Variants in NRG1 observed in about 807,000 individuals in gnomAD.
The protein encoded by NRG1 is neuregulin 1.
Under a neutral mutation model 63.8 loss-of-function variants are expected in NRG1, and 18 were observed. The ratio of observed to expected loss-of-function variants is 0.28; its 90% CI spans 0.19 to 0.42. The LOEUF (loss-of-function observed/expected upper bound fraction) is 0.42. Ranked by LOEUF, NRG1 falls within the 10% of genes least tolerant of loss-of-function variation. NRG1 has a pLI of 1.00. For synonymous variants in NRG1, 302 were observed against 301.3 expected, an observed-to-expected ratio of 1.00 and a Z score of -0.02; for missense variants, 762 against 814.7, an observed-to-expected ratio of 0.94 and a Z score of 0.79.
At chr8:32,488,916 T>C (rs10087952) in intron 1 of NRG1, among the ~76,000 whole-genome samples, 117,556 of 152,130 alleles carry the variant, frequency 0.77, 45,635 homozygotes, top group East Asian at 0.89. Flanking sequence ...TTCTTCCCTC[T>C]TTAGGATAAA....
intron 1 of NRG1, among the ~76,000 whole-genome samples, chr8:31,977,851 C>T (rs1459321631): frequency 6.6e-6 from 1 of 151,888 alleles, no homozygotes; most frequent in African/African-American, 2.4e-5. Context: ...CCTACTAAAT[C>T]AGAAATACCA....
At chr8:31,755,149 G>A (rs1287522112) in intron 1 of NRG1, among the ~76,000 whole-genome samples, 4 of 150,870 alleles carry the variant, frequency 2.7e-5, no homozygotes, top group African/African-American at 9.7e-5. Flanking sequence ...CTAATGACTA[G>A]TTTTTGGCTC....
In NRG1 at chr8:31,795,796, C is replaced by T. The variant is rs117634072; in HGVS notation, c.37+156365C>T. Among the ~76,000 whole-genome samples, 582 of 152,194 alleles carry T rather than the reference C, an allele frequency of 3.8e-3. 1 individual carries two copies. The highest frequency in any genetic ancestry group is 0.02 in the Middle Eastern group (6 of 294). ...TGCTTAGGTTTCTTATTATGTAATG[C>T]TAATTATTATTACTTTTGATTTTTC... On this transcript the variant is annotated intron_variant, in intron 1 of 10. Coordinates refer to the NRG1 transcript ENST00000519301.
chr8:32,362,331 A>G (rs567043548), intron 1 of NRG1, among the ~76,000 whole-genome samples: 68 of 152,312 alleles, frequency 4.5e-4, no homozygotes, highest in African/African-American at 1.6e-3. Flanking sequence ...ATATTTGTTT[A>G]ATGTTACTTA....
intron 1 of NRG1, among the ~76,000 whole-genome samples, chr8:32,322,464 G>A (rs1055129608): frequency 6.6e-6 from 1 of 151,726 alleles, no homozygotes; most frequent in Non-Finnish European, 1.5e-5. Flanking sequence ...TAGAATAATT[G>A]CAGAATAGAA....
intron 1 of NRG1, among the ~76,000 whole-genome samples, chr8:32,282,512 A>C (rs546608564): frequency 6.6e-6 from 1 of 152,262 alleles, no homozygotes; most frequent in Non-Finnish European, 1.5e-5. Context: ...TGGTTCAGAG[A>C]GAGCTAATTT....
chr8:32,090,233 A>G (rs1828906048), intron 1 of NRG1, among the ~76,000 whole-genome samples: 3 of 152,344 alleles, frequency 2.0e-5, no homozygotes, highest in African/African-American at 7.2e-5. Flanking sequence ...AGCGCTCAGG[A>G]AATTACAGTA....
intron 1 of NRG1, among the ~76,000 whole-genome samples, chr8:32,090,386 C>T (rs4733110): frequency 0.92 from 140,290 of 152,246 alleles, 65,758 homozygotes; most frequent in East Asian, 1. Flanking sequence ...AGTGGTGCGA[C>T]GTTGGCCCCC....
intron 1 of NRG1, among the ~76,000 whole-genome samples, chr8:31,736,067 C>T (rs1429087148): frequency 2.6e-5 from 4 of 152,098 alleles, no homozygotes; most frequent in African/African-American, 4.8e-5. Context: ...GAACTTCTGA[C>T]CTCATTCAGT....
rs944355526 is a variant in NRG1, at chr8:32,101,665, T to C, written c.37+462234T>C. Among the ~76,000 whole-genome samples, 2 of 152,144 alleles carry C rather than the reference T, an allele frequency of 1.3e-5. 1 individual carries two copies. The highest frequency in any genetic ancestry group is 6.3e-3 in the Middle Eastern group (2 of 316). On this transcript the variant is annotated intron_variant, in intron 1 of 10. Coordinates refer to the NRG1 transcript ENST00000519301. ...CAACAAATGTGATGTTTGGGGCAGATGCAAAGTTGAAGTATGTCTAAAGAA... is the reference window on the plus strand; with the variant it reads ...CAACAAATGTGATGTTTGGGGCAGACGCAAAGTTGAAGTATGTCTAAAGAA...
At chr8:32,267,654 TC>T (rs1272328092) in intron 1 of NRG1, among the ~76,000 whole-genome samples, 1 of 152,198 alleles carries the variant, frequency 6.6e-6, no homozygotes, top group Non-Finnish European at 1.5e-5. Flanking sequence ...CAGAATTACA[TC>T]AGGTACATGT....
intron 1 of NRG1, among the ~76,000 whole-genome samples, chr8:31,926,241 T>A (rs1458884189): frequency 6.6e-6 from 1 of 152,142 alleles, no homozygotes; most frequent in Non-Finnish European, 1.5e-5. Flanking sequence ...AGACGGGGCC[T>A]TTTTTCTTTA....
intron 1 of NRG1, among the ~76,000 whole-genome samples, chr8:31,885,622 C>G (rs1830660824): frequency 6.6e-6 from 1 of 152,080 alleles, no homozygotes; most frequent in Non-Finnish European, 1.5e-5. Flanking sequence ...TATAGAGGTG[C>G]CAAGGAGAAG....
intron 1 of NRG1, among the ~76,000 whole-genome samples, chr8:31,703,065 T>C (rs1810787088): frequency 6.7e-6 from 1 of 149,052 alleles, no homozygotes; most frequent in African/African-American, 2.5e-5. Flanking sequence ...CAAAAAAGGC[T>C]ATTTAGGCAC....
rs564141713 is a variant in NRG1 at position 31,689,107 on chromosome 8, G to A, written c.37+49676G>A. ...TCCATCTTCCACTTCAAGAATCCTT[G>A]TAATTTCATGGGGCCCACCCAGATA... On this transcript the variant is annotated intron_variant, in intron 1 of 10. Transcript: ENST00000519301. Among the ~76,000 whole-genome samples, 17 of 152,102 alleles carry A rather than the reference G, an allele frequency of 1.1e-4. No homozygotes were observed. In the East Asian group the frequency reaches 2.7e-3, roughly 24 times the overall value.
chr8:32,647,932 A>G (rs1854015900), intron 5 of NRG1: 2 of 1,614,112 alleles, frequency 1.2e-6, no homozygotes, highest in East Asian at 4.5e-5. Context: ...GGTTGCCTCA[A>G]CTCAGAGAAA....
chr8:32,343,081 C>T (rs1411977513), intron 1 of NRG1, among the ~76,000 whole-genome samples: 1 of 152,132 alleles, frequency 6.6e-6, no homozygotes, highest in Non-Finnish European at 1.5e-5. Flanking sequence ...AGAAAAAGTT[C>T]AATCAACCAT....
At chr8:32,023,859 T>C (rs970878921) in intron 1 of NRG1, among the ~76,000 whole-genome samples, 4 of 152,012 alleles carry the variant, frequency 2.6e-5, no homozygotes, top group African/African-American at 9.7e-5. Context: ...TAAAAGAACA[T>C]GAGCTGTGAG....
At chr8:32,380,746 G>A (rs990903787) in intron 1 of NRG1, among the ~76,000 whole-genome samples, 12 of 151,920 alleles carry the variant, frequency 7.9e-5, no homozygotes, top group Admixed American at 3.3e-4. Flanking sequence ...ATCTAAGTCC[G>A]TTCACTTTTT....
Sources: gnomAD v4.1 joint callset for allele counts (sites outside exome capture counted in the v4.1 genomes callset) on GRCh38, gnomAD v4.1.1 for gene constraint, MANE v1.5 for transcripts, NCBI Gene and HGNC (gene_info 2026-07-23, HGNC 2026-07-21) for gene names.